Variants in PAX2 observed in about 807,000 individuals in gnomAD.
PAX2 encodes paired box protein Pax-2.
In PAX2, 9 loss-of-function variants were observed where a neutral mutation model predicts 41.7. The observed-to-expected ratio is 0.22, with a 90% confidence interval of 0.13 to 0.38. PAX2 has a LOEUF of 0.38. Ranked by LOEUF, PAX2 falls within the 10% of genes least tolerant of loss-of-function variation. The pLI, the probability that PAX2 is intolerant of heterozygous loss-of-function variation, is 1.00. For synonymous variants in PAX2, 221 were observed against 212.7 expected (o/e 1.04, Z -0.34); for missense variants, 418 against 531.6 (o/e 0.79, Z 2.10).
chr10:100,765,449 T>C (rs1376318527), intron 3 of PAX2, among the ~76,000 whole-genome samples: 1 of 152,226 alleles, frequency 6.6e-6, no homozygotes, highest in East Asian at 1.9e-4. Flanking sequence ...TTTTATACCT[T>C]TTGCATCATT....
At position 100,759,878 on chromosome 10, in the gene PAX2, G is replaced by A. The variant is rs140444812; in HGVS notation, c.410+8987G>A. On this transcript the variant is annotated intron_variant, in intron 3 of 9. Coordinates refer to ENST00000355243, the MANE Select transcript of PAX2 (RefSeq NM_000278.5). ...TGGTCTTGGTGCTCCCTCTTGGCCT[G>A]GGGGTCTTTGCTGGGCCCAACTGCC... Among the ~76,000 whole-genome samples the A allele has an allele frequency of 5.2e-3, 795 of 152,284 alleles. 12 individuals carry two copies. The highest frequency in any genetic ancestry group is 0.018 in the African/African-American group (763 of 41,556).
At chr10:100,742,643 GA>G (rs1845002307), upstream of PAX2, among the ~76,000 whole-genome samples, 1 of 152,082 alleles carries the variant, frequency 6.6e-6, no homozygotes, top group Admixed American at 6.5e-5. Context: ...TTTCCGCAGG[GA>G]GGCGGGCTCC....
chr10:100,762,417 T>C (rs1391695815), intron 3 of PAX2, among the ~76,000 whole-genome samples: 1 of 152,064 alleles, frequency 6.6e-6, no homozygotes, highest in Non-Finnish European at 1.5e-5. Context: ...TTCTTGCACA[T>C]AAGGAGAGCC....
chr10:100,741,088 C>G (rs1329135763), upstream of PAX2, among the ~76,000 whole-genome samples: 1 of 152,136 alleles, frequency 6.6e-6, no homozygotes, highest in Admixed American at 6.5e-5. Context: ...TCGCAAAGAC[C>G]TCTTGTGAGG....
intron 3 of PAX2, among the ~76,000 whole-genome samples, chr10:100,763,881 A>G (rs1030951048): frequency 4.6e-5 from 7 of 152,146 alleles, no homozygotes; most frequent in Non-Finnish European, 1.0e-4. Context: ...TACTGGGTCC[A>G]CCTTATATCC....
chr10:100,829,445 C>T lies in PAX2; in HGVS notation c.*1826C>T, dbSNP rs59691272. ...CCGCGCGCCCCGGGCGGCCGAAGGC[C>T]GGGCCGCCCCGTCCCGCCCCGTAGT... On this transcript the variant is annotated 3_prime_UTR_variant, in exon 10 of 10. Transcript: ENST00000355243. The T allele has an allele frequency of 1.3e-3, 279 of 208,024 alleles. 2 individuals carry two copies. The East Asian group carries it at 0.019, about 14-fold the overall frequency. The allele number at this position is 208,024 out of a possible 1,614,324, so 12.9% of individuals were successfully genotyped here.
At chr10:100,819,457 C>T (rs541101584) in intron 7 of PAX2, among the ~76,000 whole-genome samples, 1 of 152,126 alleles carries the variant, frequency 6.6e-6, no homozygotes, top group Non-Finnish European at 1.5e-5. Context: ...GTAATCCCTG[C>T]TACTTGGGAG....
chr10:100,745,689 G>C lies in PAX2; in HGVS notation c.-572G>C. On this transcript the variant is annotated 5_prime_UTR_variant, in exon 1 of 10. Coordinates refer to ENST00000355243, the MANE Select transcript of PAX2 (RefSeq NM_000278.5). ...CTCCCGGCCCTTCGGCCGCGGCGGC[G>C]TGCGCCTGCCTTTTCCGGGGGCGGG... The C allele has an allele frequency of 6.2e-6, 6 of 963,590 alleles. No homozygotes were observed. Among genetic ancestry groups the C allele is most frequent in the Non-Finnish European group, 7.5e-6 (6 of 798,264 alleles). 59.7% of individuals were successfully genotyped at this position (963,590 alleles called of 1,614,324 possible). A position where few individuals can be genotyped will look rare whatever the true frequency, so the allele number is the denominator to read the frequency against.
At chr10:100,757,887 G>A (rs773218972) in intron 3 of PAX2, among the ~76,000 whole-genome samples, 10 of 152,262 alleles carry the variant, frequency 6.6e-5, no homozygotes, top group Admixed American at 2.0e-4. Context: ...ATGGTCTGGC[G>A]CTGTAGGAGA....
At chr10:100,781,457 G>A in intron 5 of PAX2, 92 bp downstream of exon 5, 1 of 1,339,870 alleles carries the variant, frequency 7.5e-7, no homozygotes, top group Non-Finnish European at 1.1e-6. Flanking sequence ...CAGCTGCTCT[G>A]CTGTGAGATC....
intron 5 of PAX2, among the ~76,000 whole-genome samples, chr10:100,788,765 G>C (rs1846978330): frequency 6.6e-6 from 1 of 152,150 alleles, no homozygotes; most frequent in Non-Finnish European, 1.5e-5. Flanking sequence ...AGGCTGAGGA[G>C]GGCCCAGGAG....
At chr10:100,787,063 G>A (rs1846898469) in intron 5 of PAX2, 1 of 1,098,788 alleles carries the variant, frequency 9.1e-7, no homozygotes, top group Non-Finnish European at 1.3e-6. Context: ...ATAGCTTGGG[G>A]GTGGCGGTTA....
intron 5 of PAX2, 134 bp from the exon 6 acceptor site, chr10:100,806,296 G>A (rs1278222584): frequency 1.1e-6 from 1 of 887,440 alleles, no homozygotes; most frequent in Non-Finnish European, 1.8e-6. Context: ...CTGGCCCAGG[G>A]GCTGAGAGTA....
intron 5 of PAX2, 116 bp from the exon 6 acceptor site, chr10:100,806,314 C>G: frequency 9.5e-7 from 1 of 1,055,958 alleles, no homozygotes; most frequent in South Asian, 1.3e-5. Context: ...GTAAGGGGTC[C>G]CATAGGGGTG....
chr10:100,827,188 G>T lies in PAX2; in HGVS notation c.1108+93G>T. ...CCGGCGACCCGACCTCTGGGGACCC[G>T]GCCGGGCCAGGGGGACAGGCTTGTT... On this transcript the variant is annotated intron_variant, in intron 9 of 9. Coordinates refer to ENST00000355243, the MANE Select transcript of PAX2 (RefSeq NM_000278.5). This position sits in a 1 kb window ranked among gnomAD's most constrained non-coding sequence, Gnocchi z 8.5. The T allele has an allele frequency of 9.8e-7, 1 of 1,021,504 alleles. No homozygotes were observed. The highest frequency in any genetic ancestry group is 1.5e-6 in the Non-Finnish European group (1 of 657,542). 63.3% of individuals were successfully genotyped at this position (1,021,504 alleles called of 1,614,324 possible).
intron 7 of PAX2, among the ~76,000 whole-genome samples, chr10:100,813,208 C>T (rs1367814832): frequency 1.3e-5 from 2 of 152,194 alleles, no homozygotes. Flanking sequence ...CTTCACTGGC[C>T]TCTAGTGGGC....
At chr10:100,768,758 C>T (rs986916842) in intron 3 of PAX2, among the ~76,000 whole-genome samples, 1 of 152,146 alleles carries the variant, frequency 6.6e-6, no homozygotes, top group Non-Finnish European at 1.5e-5. Context: ...TTACCCGATG[C>T]ATATGTATAA....
chr10:100,745,882 A>C lies in PAX2; in HGVS notation c.-379A>C, dbSNP rs1038355054. On this transcript the variant is annotated 5_prime_UTR_variant, in exon 1 of 10. The change abolishes an upstream ATG in the 5' untranslated region. Coordinates refer to ENST00000355243, the MANE Select transcript of PAX2 (RefSeq NM_000278.5). ...GCGCTCTCCGACCACCGCCTCTCGG[A>C]TGACCAGGTTCCAGGGGAGCTGAGC... 9.3e-7 allele frequency: 1 copy of C among 1,079,952 alleles called. No individual in the cohort carries two copies. The highest frequency in any genetic ancestry group is 1.1e-6 in the Non-Finnish European group (1 of 892,234). The allele number at this position is 1,079,952 out of a possible 1,614,324, so 66.9% of individuals were successfully genotyped here.
chr10:100,760,280 C>A (rs577112844), intron 3 of PAX2, among the ~76,000 whole-genome samples: 1 of 152,228 alleles, frequency 6.6e-6, no homozygotes, highest in South Asian at 2.1e-4. Flanking sequence ...AGAAGGCTTC[C>A]GGCTAAAGGG....
Sources: allele counts gnomAD v4.1 joint callset (sites outside exome capture counted in the v4.1 genomes callset), GRCh38; gene constraint gnomAD v4.1.1; non-coding constraint Gnocchi (gnomAD v3.1); transcripts MANE v1.5; gene names NCBI Gene and HGNC (gene_info 2026-07-23, HGNC 2026-07-21).